The following DYSF variants were observed in gnomAD, a reference collection of about 807,000 sequenced individuals.
The protein encoded by DYSF is dystrophy-associated fer-1-like 1.
A neutral mutation model predicts 274.9 loss-of-function variants in DYSF; 212 were observed. The ratio of observed to expected loss-of-function variants is 0.77; its 90% CI spans 0.69 to 0.86. DYSF has a LOEUF of 0.86. Ranked by LOEUF, DYSF falls within the 40% of genes least tolerant of loss-of-function variation. The pLI is 0.00. For missense variants in DYSF, 2,666 were observed against 2,783.2 expected (o/e 0.96, Z 0.95); for synonymous variants, 1,091 against 1,078.7 (o/e 1.01, Z -0.22).
intron 14 of DYSF, among the ~76,000 whole-genome samples, chr2:71,529,977 A>G (rs183756477): frequency 5.4e-5 from 8 of 147,302 alleles, no homozygotes; most frequent in Admixed American, 5.4e-4. Context: ...AGCCCCTTTG[A>G]GCTGGGCTCT....
intron 41 of DYSF, among the ~76,000 whole-genome samples, chr2:71,627,820 C>G (rs1429119188): frequency 6.6e-6 from 1 of 152,006 alleles, no homozygotes; most frequent in Non-Finnish European, 1.5e-5. Context: ...TGTAGCAAGC[C>G]TCTGCCCATT....
intron 4 of DYSF, among the ~76,000 whole-genome samples, chr2:71,504,190 T>C (rs1420434124): frequency 6.6e-6 from 1 of 152,112 alleles, no homozygotes; most frequent in Non-Finnish European, 1.5e-5. Context: ...AGTCACATAG[T>C]CAGTGGCTGT....
chr2:71,558,031 C>CA (rs58123195), intron 22 of DYSF, among the ~76,000 whole-genome samples: 9,934 of 132,158 alleles, frequency 0.075, 404 homozygotes, highest in African/African-American at 0.12. Flanking sequence ...GACTCTGTCT[C>CA]AAAAAAAAAA....
Position 71,555,993 on chromosome 2 carries a change from C to T in DYSF, c.2138C>T (p.Ala713Val). Residue 713 changes from alanine to valine, a missense_variant, in exon 22 of 56, where the codon GCC (alanine) becomes GTC (valine). Physicochemically the swap from Ala to Val is moderately conservative, Grantham distance 64. This residue lies in a region of DYSF where 412 missense variants were observed against 504.0 expected (regional missense o/e 0.82). Transcript: ENST00000410020. ...GCTGGCCTGGAGCAGGTCCACCTGGCCCTGAAGGCGCAGTGCTCCACGGAG... is the reference window on the plus strand; with the variant it reads ...GCTGGCCTGGAGCAGGTCCACCTGGTCCTGAAGGCGCAGTGCTCCACGGAG... ...LEAGLEQVHLALKAQCSTEDV... is the reference protein window; with the variant it reads ...LEAGLEQVHLVLKAQCSTEDV... 1 of 1,570,114 alleles carries T rather than the reference C, an allele frequency of 6.4e-7. No individual in the cohort carries two copies. Among genetic ancestry groups the T allele is most frequent in the Middle Eastern group, 1.9e-4 (1 of 5,368 alleles).
At chr2:71,632,306 G>A (rs1478097796) in intron 41 of DYSF, among the ~76,000 whole-genome samples, 1 of 152,132 alleles carries the variant, frequency 6.6e-6, no homozygotes, top group Non-Finnish European at 1.5e-5. Context: ...CAAGGCACAG[G>A]GAAATCAGAG....
chr2:71,625,820 T>C (rs1274262535), intron 41 of DYSF, among the ~76,000 whole-genome samples: 1 of 152,112 alleles, frequency 6.6e-6, no homozygotes, highest in Admixed American at 6.6e-5. Flanking sequence ...TCTTTAATGG[T>C]AATTTAATGC....
rs2152761336 is a variant in DYSF, at chr2:71,535,289, A to G, written c.1471A>G (p.Met491Val). The G allele has an allele frequency of 1.2e-6, 2 of 1,614,160 alleles. No homozygotes were observed. The highest frequency in any genetic ancestry group is 2.2e-5 in the East Asian group (1 of 44,868). The change falls in exon 16 of 56, where the codon ATG (methionine) becomes GTG (valine). Residue 491 changes from methionine (M) to valine (V), a missense_variant. Physicochemically the swap from Met to Val is conservative, Grantham distance 21. Transcript: ENST00000410020. ...TCAGTTTCCCTCCATGTGCGAAAAA[A>G]TGAGGATTCGTATCATAGACTGGTG... ...PAMFPSMCEK[M>V]RIRIIDWDRL...
chr2:71,616,546 T>C (rs1398893554), intron 40 of DYSF, among the ~76,000 whole-genome samples: 1 of 152,080 alleles, frequency 6.6e-6, no homozygotes, highest in African/African-American at 2.4e-5. Context: ...GAGGTGTGTC[T>C]AAGCTTGGTG....
chr2:71,478,544 C>T (rs1435855535), intron 1 of DYSF, among the ~76,000 whole-genome samples: 1 of 152,150 alleles, frequency 6.6e-6, no homozygotes, highest in Non-Finnish European at 1.5e-5. Context: ...GAGTGACATC[C>T]TGTGACCAAA....
At chr2:71,667,583 G>A (rs2095039233) in intron 48 of DYSF, 68 bp downstream of exon 48, 8 of 1,601,170 alleles carry the variant, frequency 5.0e-6, no homozygotes, top group East Asian at 2.3e-5. Flanking sequence ...GGGACAACAT[G>A]GATATCCCAG....
intron 1 of DYSF, among the ~76,000 whole-genome samples, chr2:71,456,838 A>C (rs1482001353): frequency 2.0e-5 from 3 of 152,142 alleles, no homozygotes; most frequent in Non-Finnish European, 4.4e-5. Context: ...TGAATAAGAA[A>C]GTGCTCTGGA....
At chr2:71,661,216 A>T (rs1573025302) in intron 45 of DYSF, among the ~76,000 whole-genome samples, 1 of 148,734 alleles carries the variant, frequency 6.7e-6, no homozygotes, top group Admixed American at 6.7e-5. Flanking sequence ...ATAAACTTTT[A>T]CTTTGGAATA....
In DYSF at chr2:71,544,233, G is replaced by T. The variant is rs1045083885; in HGVS notation, c.1576+4994G>T. 5.9e-5 allele frequency among the ~76,000 whole-genome samples: 9 copies of T among 152,188 alleles called. 1 individual carries two copies. In the South Asian group the frequency reaches 1.5e-3, roughly 25 times the overall value. On this transcript the variant is annotated intron_variant, in intron 17 of 55. Coordinates refer to ENST00000410020, the MANE Select transcript of DYSF (RefSeq NM_001130987.2). Reference sequence around the variant, plus strand: ...CTTTATTCACTCTCCCACAAGATCTGTTCAGTGTTGGTATCTCTCACAGAT... The same window carrying T: ...CTTTATTCACTCTCCCACAAGATCTTTTCAGTGTTGGTATCTCTCACAGAT...
intron 19 of DYSF, 87 bp downstream of exon 19, chr2:71,551,807 G>A (rs951001896): frequency 4.7e-6 from 5 of 1,072,990 alleles, no homozygotes; most frequent in African/African-American, 1.5e-5. Context: ...TGTCATGGCC[G>A]AGGGAGGAGG....
At chr2:71,685,143 C>CGA (rs2095341309) in intron 55 of DYSF, among the ~76,000 whole-genome samples, 1 of 152,168 alleles carries the variant, frequency 6.6e-6, no homozygotes, top group African/African-American at 2.4e-5. Context: ...GAAAGATTTC[C>CGA]AGTCACTTCC....
At chr2:71,557,831 A>G (rs922055287) in intron 22 of DYSF, among the ~76,000 whole-genome samples, 9 of 152,080 alleles carry the variant, frequency 5.9e-5, no homozygotes, top group African/African-American at 1.9e-4. Context: ...AGATCACTTG[A>G]GGTCAGGAGT....
At chr2:71,668,705 A>G in intron 48 of DYSF, 49 bp from the exon 49 acceptor site, 2 of 1,578,906 alleles carry the variant, frequency 1.3e-6, no homozygotes, top group Non-Finnish European at 1.7e-6. Flanking sequence ...GCTTGGTAAC[A>G]GCTGGTTAAA....
chr2:71,468,888 T>C (rs541796153), intron 1 of DYSF, among the ~76,000 whole-genome samples: 80 of 152,358 alleles, frequency 5.3e-4, no homozygotes, highest in African/African-American at 1.9e-3. Flanking sequence ...TGAGCACAAG[T>C]AGGTGCTCTC....
chr2:71,544,935 C>G (rs1311588835), intron 17 of DYSF, among the ~76,000 whole-genome samples: 1 of 152,186 alleles, frequency 6.6e-6, no homozygotes, highest in African/African-American at 2.4e-5. Context: ...TGGTCTCACC[C>G]TCAGGGAACT....
Sources: gnomAD v4.1 joint callset for allele counts (sites outside exome capture counted in the v4.1 genomes callset) on GRCh38, gnomAD v4.1.1 for gene constraint, gnomAD v4.1.1 regional missense constraint, MANE v1.5 for transcripts, NCBI Gene and HGNC (gene_info 2026-07-23, HGNC 2026-07-21) for gene names.